Variants in CRLS1 observed in about 807,000 individuals in gnomAD.
The protein encoded by CRLS1 is cardiolipin synthase (CMP-forming).
In CRLS1, 24 loss-of-function variants were observed where a neutral mutation model predicts 37.0. The observed-to-expected ratio is 0.65, with a 90% confidence interval of 0.47 to 0.91. CRLS1 has a LOEUF of 0.91. Among genes scored for constraint, CRLS1 ranks in the 40% least tolerant of loss-of-function variants. The probability of loss-of-function intolerance (pLI) is 0.00; values close to 1 mark genes in which losing one functional copy is unlikely to be tolerated. For synonymous variants in CRLS1, 135 were observed against 159.7 expected (o/e 0.85, Z 1.17); for missense variants, 373 against 395.8 (o/e 0.94, Z 0.49).
At chr20:6,032,888 T>G (rs1352328420) in intron 5 of CRLS1, among the ~76,000 whole-genome samples, 1 of 152,098 alleles carries the variant, frequency 6.6e-6, no homozygotes, top group African/African-American at 2.4e-5. Context: ...GGGTGGACTT[T>G]CATCTACATG....
chr20:6,006,380 T>C lies in CRLS1; in HGVS notation c.134T>C (p.Leu45Pro), dbSNP rs1160297473. The C allele has an allele frequency of 7.1e-7, 1 of 1,405,964 alleles. No homozygotes were observed. Among genetic ancestry groups the C allele is most frequent in the Non-Finnish European group, 9.3e-7 (1 of 1,078,132 alleles). 87.1% of individuals were successfully genotyped at this position (1,405,964 alleles called of 1,614,324 possible). ...CCCGTGCCCTGCTGCTTGGGCTGCC[T>C]GGCCGAACGCTGGAGGCTGCGTCCG... The part of the protein sequence containing the change: ...LPPVPCCLGC[L>P]AERWRLRPAA... Residue 45 changes from leucine (L) to proline (P), a missense_variant, in exon 1 of 7, where the codon CTG becomes CCG. By Grantham distance (98) the Leu-to-Pro change is moderately conservative. Coordinates refer to ENST00000378863, the MANE Select transcript of CRLS1 (RefSeq NM_019095.6).
At chr20:6,028,077 A>G (rs1389513783) in intron 3 of CRLS1, among the ~76,000 whole-genome samples, 1 of 152,258 alleles carries the variant, frequency 6.6e-6, no homozygotes, top group Non-Finnish European at 1.5e-5. Flanking sequence ...TGATGCATAT[A>G]TGCAGTCTTG....
intron 1 of CRLS1, chr20:6,007,144 C>A: frequency 1.0e-6 from 1 of 988,464 alleles, no homozygotes; most frequent in Non-Finnish European, 1.4e-6. Flanking sequence ...AGACAGAAGA[C>A]ACCCGAGCAT....
Position 6,006,327 on chromosome 20 carries a change from G to A in CRLS1, c.81G>A (p.Lys27=), listed in dbSNP as rs1222994255. The change falls in exon 1 of 7, where the codon AAG becomes AAA. Residue 27 remains lysine, a synonymous_variant. Coordinates refer to ENST00000378863, the MANE Select transcript of CRLS1 (RefSeq NM_019095.6). Reference sequence around the variant, plus strand: ...GGGCTCCGGGAACGCGGCCGAGTAAGCGACGCGCCTGCTGGGCCCTGCTGC... The same window carrying A: ...GGGCTCCGGGAACGCGGCCGAGTAAACGACGCGCCTGCTGGGCCCTGCTGC... ...AAWAPGTRPS[K]RRACWALLPP... is the part of the protein sequence containing the mutation. The A allele has an allele frequency of 3.0e-6, 4 of 1,347,778 alleles. No individual in the cohort carries two copies. Among genetic ancestry groups the A allele is most frequent in the Non-Finnish European group, 2.9e-6 (3 of 1,048,454 alleles). The allele number at this position is 1,347,778 out of a possible 1,614,324, so 83.5% of individuals were successfully genotyped here.
chr20:6,007,340 A>C (rs2090071957), intron 1 of CRLS1: 2 of 1,609,796 alleles, frequency 1.2e-6, no homozygotes, highest in Non-Finnish European at 1.7e-6. Flanking sequence ...TGAATGCTGG[A>C]TACTTTGAAG....
Position 6,006,340 on chromosome 20 carries a change from TG to T in CRLS1, c.97del (p.Ala33ProfsTer83). 1 of 1,370,938 alleles carries T rather than the reference TG, an allele frequency of 7.3e-7. No homozygotes were observed. Among genetic ancestry groups the T allele is most frequent in the Non-Finnish European group, 9.4e-7 (1 of 1,059,348 alleles). 84.9% of individuals were successfully genotyped at this position (1,370,938 alleles called of 1,614,324 possible). ...GTRPSKRRACWALLPPVPCCL... is the reference protein window; with the variant it reads ...GTRPSKRRACXALLPPVPCCL... ...GCGGCCGAGTAAGCGACGCGCCTGC[TG>T]GGCCCTGCTGCCGCCCGTGCCCTGC... is the stretch of plus-strand genomic sequence containing the variant. On this transcript the variant is annotated frameshift_variant, in exon 1 of 7. Coordinates refer to ENST00000378863, the MANE Select transcript of CRLS1 (RefSeq NM_019095.6).
At chr20:6,029,547 T>C (rs948673720) in intron 3 of CRLS1, among the ~76,000 whole-genome samples, 4 of 152,072 alleles carry the variant, frequency 2.6e-5, no homozygotes, top group African/African-American at 9.7e-5. Flanking sequence ...TTAGTAGAGA[T>C]GGGGCTTCTC....
At chr20:6,025,143 A>G (rs1262774908) in intron 3 of CRLS1, among the ~76,000 whole-genome samples, 2 of 152,224 alleles carry the variant, frequency 1.3e-5, no homozygotes, top group African/African-American at 2.4e-5. Flanking sequence ...TTGGAAGAAG[A>G]TGCCCTCTAA....
intron 1 of CRLS1, among the ~76,000 whole-genome samples, chr20:6,008,593 A>G (rs2090090962): frequency 6.6e-6 from 1 of 152,234 alleles, no homozygotes; most frequent in East Asian, 1.9e-4. Flanking sequence ...TGAGGATCTT[A>G]ACATTTCCAT....
In CRLS1 at chr20:6,006,288, G is replaced by A; in HGVS notation, c.42G>A (p.Leu14=). 1 of 1,292,306 alleles carries A rather than the reference G, an allele frequency of 7.7e-7. No homozygotes were observed. Among genetic ancestry groups the A allele is most frequent in the Admixed American group, 3.8e-5 (1 of 26,332 alleles). 80.1% of individuals were successfully genotyped at this position (1,292,306 alleles called of 1,614,324 possible). ...TGGCGCGCGGCTCGTGGGGGGCCCT[G>A]CGCGGCGCCGCTTGGGCTCCGGGAA... ...LRVARGSWGA[L]RGAAWAPGTR... Residue 14 remains leucine (L), a synonymous_variant, in exon 1 of 7, where the codon CTG becomes CTA. Transcript: ENST00000378863.
At chr20:6,023,362 A>AT (rs1396231098) in intron 3 of CRLS1, 1 of 152,158 alleles carries the variant, frequency 6.6e-6, no homozygotes, top group Admixed American at 6.5e-5. Flanking sequence ...ACCAGAGAAG[A>AT]TTTTTTTGTT....
chr20:6,008,688 T>A (rs1319081951), intron 1 of CRLS1, among the ~76,000 whole-genome samples: 3 of 152,262 alleles, frequency 2.0e-5, no homozygotes, highest in African/African-American at 4.8e-5. Context: ...CTAGCAGTTC[T>A]CTGACTTAGT....
chr20:6,006,118 A>C, upstream of CRLS1: 1 of 441,114 alleles, frequency 2.3e-6, no homozygotes, highest in Non-Finnish European at 3.6e-6. Context: ...TGGGGTGTGT[A>C]AAGTAGTATG....
chr20:6,031,638 T>G (rs938867357), intron 4 of CRLS1, among the ~76,000 whole-genome samples: 1 of 152,228 alleles, frequency 6.6e-6, no homozygotes, highest in African/African-American at 2.4e-5. Flanking sequence ...GCATATTTAT[T>G]CACAGGCTCT....
chr20:6,025,967 A>G (rs1568626573), intron 3 of CRLS1, among the ~76,000 whole-genome samples: 3 of 152,226 alleles, frequency 2.0e-5, no homozygotes, highest in South Asian at 4.1e-4. Flanking sequence ...CGTGAACACT[A>G]TTAAAATGAC....
intron 3 of CRLS1, among the ~76,000 whole-genome samples, chr20:6,028,002 C>A (rs988265343): frequency 4.6e-5 from 7 of 152,162 alleles, no homozygotes; most frequent in African/African-American, 1.7e-4. Flanking sequence ...TCTACTTATT[C>A]TCTTTGTGTT....
At chr20:6,028,426 TTATTTTGTATTATTA>T (rs1439106776) in intron 3 of CRLS1, 19 of 151,928 alleles carry the variant, frequency 1.3e-4, no homozygotes, top group African/African-American at 3.1e-4. Context: ...ATTATTTTAT[TTATTTTGTATTATTA>T]TATTTTGTAT....
intron 3 of CRLS1, among the ~76,000 whole-genome samples, chr20:6,023,762 G>T (rs1445550495): frequency 2.0e-5 from 3 of 148,160 alleles, no homozygotes; most frequent in East Asian, 3.9e-4. Flanking sequence ...AAAAAAAAAA[G>T]TTCTTATATC....
chr20:6,014,886 A>G (rs1326381891), intron 2 of CRLS1, among the ~76,000 whole-genome samples: 1 of 152,238 alleles, frequency 6.6e-6, no homozygotes, highest in African/African-American at 2.4e-5. Flanking sequence ...TAGGTAATGC[A>G]GATACAGTCA....
Sources: gnomAD v4.1 joint callset for allele counts (sites outside exome capture counted in the v4.1 genomes callset) on GRCh38, gnomAD v4.1.1 for gene constraint, MANE v1.5 for transcripts, NCBI Gene and HGNC (gene_info 2026-07-23, HGNC 2026-07-21) for gene names.